ARMC9: variants seen among roughly 807,000 people sequenced by gnomAD.
The protein encoded by ARMC9 is lisH domain-containing protein ARMC9.
ARMC9 carries 94 observed loss-of-function variants against 107.0 expected under a neutral mutation model. The ratio of observed to expected loss-of-function variants is 0.88; its 90% CI spans 0.74 to 1.04. The LOEUF is 1.04. ARMC9 is among the 50% of genes least tolerant of loss of function. The pLI, the probability that ARMC9 is intolerant of heterozygous loss-of-function variation, is 0.00. For synonymous variants in ARMC9, 380 were observed against 396.9 expected, an observed-to-expected ratio of 0.96 and a Z score of 0.51; for missense variants, 942 against 1,030.1, an observed-to-expected ratio of 0.91 and a Z score of 1.17.
chr2:231,315,576 G>A (rs1414069153), intron 19 of ARMC9, among the ~76,000 whole-genome samples: 1 of 152,122 alleles, frequency 6.6e-6, no homozygotes, highest in Non-Finnish European at 1.5e-5. Flanking sequence ...ACAAATGTAA[G>A]AATTTATTTC....
chr2:231,259,162 T>C (rs2038109361), intron 11 of ARMC9, 60 bp downstream of exon 11: 4 of 1,397,498 alleles, frequency 2.9e-6, no homozygotes, highest in Non-Finnish European at 4.0e-6. Context: ...TTTTCTTGGC[T>C]GGCTACCTTG....
chr2:231,310,994 G>T (rs2042314466), intron 19 of ARMC9, among the ~76,000 whole-genome samples: 1 of 151,906 alleles, frequency 6.6e-6, no homozygotes, highest in Non-Finnish European at 1.5e-5. Context: ...AAGTGTGCTT[G>T]TGCGTAACTG....
At chr2:231,347,563 A>C (rs1487081159) in intron 21 of ARMC9, among the ~76,000 whole-genome samples, 2 of 152,206 alleles carry the variant, frequency 1.3e-5, no homozygotes, top group Non-Finnish European at 2.9e-5. Flanking sequence ...GGTCTTAGAC[A>C]TCATCCTCTA....
intron 5 of ARMC9, among the ~76,000 whole-genome samples, chr2:231,218,358 A>T (rs2033756158): frequency 1.3e-5 from 2 of 152,144 alleles, no homozygotes; most frequent in Non-Finnish European, 2.9e-5. Context: ...AAAATAATAA[A>T]AATAAATTTT....
In ARMC9 at chr2:231,342,925, T is replaced by C. The variant is rs10181500; in HGVS notation, c.1879-2050T>C. 6.7e-3 allele frequency among the ~76,000 whole-genome samples: 1,017 copies of C among 152,002 alleles called. 15 individuals are homozygous for C. The highest frequency in any genetic ancestry group is 0.023 in the African/African-American group (963 of 41,440). Reference sequence around the variant, plus strand: ...CCTAGTCAGGGCAGGGTTTTTTTGTTTTTGTTTTTGTTTGAGATGCTCTTG... The same window carrying C: ...CCTAGTCAGGGCAGGGTTTTTTTGTCTTTGTTTTTGTTTGAGATGCTCTTG... On this transcript the variant is annotated intron_variant, in intron 20 of 24. Coordinates refer to ENST00000611582, the MANE Select transcript of ARMC9 (RefSeq NM_001352754.2).
intron 20 of ARMC9, among the ~76,000 whole-genome samples, chr2:231,341,129 C>T (rs923648293): frequency 9.6e-4 from 146 of 152,222 alleles, no homozygotes; most frequent in African/African-American, 3.5e-3. Flanking sequence ...GAGTTCAAGG[C>T]TTCAGTGAGC....
chr2:231,223,763 C>T (rs1438527159), intron 6 of ARMC9, among the ~76,000 whole-genome samples: 1 of 152,178 alleles, frequency 6.6e-6, no homozygotes, highest in African/African-American at 2.4e-5. Context: ...ATTCCTTAGC[C>T]TGGCCTGAGC....
chr2:231,329,235 A>T (rs1559470464), intron 19 of ARMC9, among the ~76,000 whole-genome samples: 1 of 152,168 alleles, frequency 6.6e-6, no homozygotes, highest in African/African-American at 2.4e-5. Context: ...GTAAATAAAT[A>T]TGGGGAGAAC....
At chr2:231,216,850 T>C (rs1218488790) in intron 5 of ARMC9, 57 bp downstream of exon 5, 1 of 1,543,640 alleles carries the variant, frequency 6.5e-7, no homozygotes, top group East Asian at 2.3e-5. Flanking sequence ...TGGTTTTACC[T>C]TCTGTATGCT....
intron 19 of ARMC9, among the ~76,000 whole-genome samples, chr2:231,309,718 A>AT (rs531655945): frequency 0.034 from 4,928 of 146,522 alleles, 257 homozygotes; most frequent in African/African-American, 0.11. Flanking sequence ...ACTTTTTACA[A>AT]TTTTTTTTTT....
intron 9 of ARMC9, chr2:231,256,268 C>G (rs1161660516): frequency 1.5e-5 from 23 of 1,552,370 alleles, no homozygotes; most frequent in Non-Finnish European, 2.0e-5. Context: ...CGTGCTCACC[C>G]TTTTGGAGTC....
intron 22 of ARMC9, among the ~76,000 whole-genome samples, chr2:231,359,377 G>A (rs141093878): frequency 1.5e-3 from 233 of 151,998 alleles, no homozygotes; most frequent in African/African-American, 5.0e-3. Context: ...GTGAGCCACC[G>A]TGCTCAGCTG....
intron 20 of ARMC9, among the ~76,000 whole-genome samples, chr2:231,338,565 T>C (rs1272918272): frequency 2.9e-5 from 4 of 137,310 alleles, no homozygotes; most frequent in Non-Finnish European, 6.1e-5. Flanking sequence ...TTTGCGACAG[T>C]GTCTCGCTCT....
At chr2:231,309,800 C>A (rs2042236277) in intron 19 of ARMC9, among the ~76,000 whole-genome samples, 1 of 151,888 alleles carries the variant, frequency 6.6e-6, no homozygotes, top group Non-Finnish European at 1.5e-5. Context: ...TTATGCTGAA[C>A]CTTAGCAAGT....
chr2:231,209,484 T>A (rs1040523426), intron 3 of ARMC9, among the ~76,000 whole-genome samples: 1 of 152,192 alleles, frequency 6.6e-6, no homozygotes, highest in East Asian at 1.9e-4. Flanking sequence ...TTCCATTGAC[T>A]AGAGACTGTA....
At chr2:231,269,545 C>T (rs1422749306) in intron 12 of ARMC9, among the ~76,000 whole-genome samples, 1 of 151,782 alleles carries the variant, frequency 6.6e-6, no homozygotes, top group Admixed American at 6.6e-5. Context: ...GCCACCACGC[C>T]TGGCTAATTT....
chr2:231,334,067 A>G (rs2043923175), intron 20 of ARMC9, among the ~76,000 whole-genome samples: 1 of 152,222 alleles, frequency 6.6e-6, no homozygotes, highest in Admixed American at 6.5e-5. Context: ...CCATCTTACC[A>G]TAATATGCAG....
chr2:231,265,899 T>C (rs1373292889), intron 12 of ARMC9, among the ~76,000 whole-genome samples: 1 of 151,662 alleles, frequency 6.6e-6, no homozygotes, highest in Non-Finnish European at 1.5e-5. Context: ...TCCCAGCTAC[T>C]TGGGAAGCTG....
intron 9 of ARMC9, among the ~76,000 whole-genome samples, chr2:231,243,261 A>AAT (rs2036461992): frequency 6.6e-6 from 1 of 151,112 alleles, no homozygotes; most frequent in Admixed American, 6.6e-5. Flanking sequence ...AAAAAAAAAA[A>AAT]AATTAGTTGG....
Sources: gnomAD v4.1 joint callset for allele counts (sites outside exome capture counted in the v4.1 genomes callset) on GRCh38, gnomAD v4.1.1 for gene constraint, MANE v1.5 for transcripts, NCBI Gene and HGNC (gene_info 2026-07-23, HGNC 2026-07-21) for gene names.